Variants in COL24A1 observed in about 807,000 individuals in gnomAD.
The protein encoded by COL24A1 is collagen type XXIV alpha 1 chain, also known as collagen alpha-1(XXIV) chain.
A neutral mutation model predicts 253.9 loss-of-function variants in COL24A1; 224 were observed. That is an observed-to-expected ratio of 0.88 (90% CI 0.79 to 0.99). The LOEUF is 0.99. Ranked by LOEUF, COL24A1 falls within the 50% of genes least tolerant of loss-of-function variation. COL24A1 has a pLI of 0.00. For synonymous variants in COL24A1, 685 were observed against 673.7 expected (o/e 1.02, Z -0.26); for missense variants, 2,131 against 2,068.5 (o/e 1.03, Z -0.59).
At chr1:86,062,529 G>C (rs12736258) in intron 8 of COL24A1, among the ~76,000 whole-genome samples, 19,302 of 151,912 alleles carry the variant, frequency 0.13, 1,331 homozygotes, top group Middle Eastern at 0.14. Flanking sequence ...TACACCACCA[G>C]TACTAGTTTA....
intron 20 of COL24A1, among the ~76,000 whole-genome samples, chr1:85,986,500 C>A (rs1028242777): frequency 6.6e-6 from 1 of 151,802 alleles, no homozygotes; most frequent in Non-Finnish European, 1.5e-5. Flanking sequence ...GAATGCTCTA[C>A]GTAATTTACT....
chr1:85,839,569 A>T (rs1676381649), intron 42 of COL24A1, among the ~76,000 whole-genome samples: 1 of 151,832 alleles, frequency 6.6e-6, no homozygotes, highest in Non-Finnish European at 1.5e-5. Context: ...AAAAAAAATT[A>T]AAAAATAATA....
intron 19 of COL24A1, among the ~76,000 whole-genome samples, chr1:85,998,737 C>T (rs1269349965): frequency 6.6e-6 from 1 of 152,210 alleles, no homozygotes; most frequent in African/African-American, 2.4e-5. Context: ...CTCTGGAATA[C>T]ATTATCTTTT....
chr1:85,928,523 G>A lies in COL24A1; in HGVS notation c.2563-17090C>T, dbSNP rs1687548404. On this transcript the variant is annotated intron_variant, in intron 24 of 59. Transcript: ENST00000370571. Reference sequence around the variant, plus strand: ...AAAACACTCTGCAGGATATTATCCAGGAGAACGTCCCCAATCTAGCAAGGC... The same window carrying A: ...AAAACACTCTGCAGGATATTATCCAAGAGAACGTCCCCAATCTAGCAAGGC... Among the ~76,000 whole-genome samples, 2 of 51,910 alleles carry A rather than the reference G, an allele frequency of 3.9e-5. 1 individual carries two copies. Among genetic ancestry groups the A allele is most frequent in the South Asian group, 1.5e-3 (2 of 1,304 alleles). The allele number at this position is 51,910 out of a possible 152,430, so 34.1% of individuals were successfully genotyped here.
At chr1:85,800,296 G>A (rs934760698) in intron 47 of COL24A1, among the ~76,000 whole-genome samples, 1 of 152,106 alleles carries the variant, frequency 6.6e-6, no homozygotes, top group Non-Finnish European at 1.5e-5. Context: ...TCTCCATTGA[G>A]TGGTTTGAAT....
chr1:85,914,979 T>C (rs1685756002), intron 24 of COL24A1, among the ~76,000 whole-genome samples: 1 of 152,342 alleles, frequency 6.6e-6, no homozygotes, highest in South Asian at 2.1e-4. Flanking sequence ...GGGAGGGCTG[T>C]CACGGTTAAT....
At chr1:85,970,167 T>C (rs7538391) in intron 22 of COL24A1, 60 bp downstream of exon 22, 248,768 of 1,418,224 alleles carry the variant, frequency 0.18, 26,929 homozygotes, top group East Asian at 0.44. Flanking sequence ...GTTAAAAACA[T>C]TTATAGAACA....
intron 5 of COL24A1, among the ~76,000 whole-genome samples, chr1:86,111,720 T>C (rs1373778562): frequency 2.0e-5 from 3 of 152,304 alleles, no homozygotes; most frequent in South Asian, 4.1e-4. Flanking sequence ...ACTGCCTTTA[T>C]GAGCTGTAAC....
intron 14 of COL24A1, chr1:86,030,255 T>G (rs1018559437): frequency 7.2e-5 from 11 of 152,190 alleles, no homozygotes; most frequent in Non-Finnish European, 1.3e-4. Flanking sequence ...TAGCAAGAAT[T>G]TCCACTCTGA....
At chr1:86,077,807 G>T (rs1027768729) in intron 7 of COL24A1, among the ~76,000 whole-genome samples, 2 of 151,192 alleles carry the variant, frequency 1.3e-5, no homozygotes, top group Non-Finnish European at 2.9e-5. Context: ...ATGGACACAG[G>T]GAGGGGAACA....
intron 38 of COL24A1, among the ~76,000 whole-genome samples, chr1:85,848,530 G>A (rs943310950): frequency 6.6e-6 from 1 of 152,050 alleles, no homozygotes; most frequent in Non-Finnish European, 1.5e-5. Context: ...GGCTGGTTTC[G>A]ATCTCCTGAC....
chr1:86,115,174 C>T (rs1053339053), intron 4 of COL24A1, 151 bp downstream of exon 4: 11 of 667,180 alleles, frequency 1.6e-5, no homozygotes, highest in African/African-American at 3.7e-5. Flanking sequence ...TGCATGTGTT[C>T]TTAAGCTTCT....
intron 53 of COL24A1, among the ~76,000 whole-genome samples, chr1:85,769,968 G>A (rs1265196748): frequency 2.6e-5 from 4 of 152,018 alleles, no homozygotes; most frequent in Non-Finnish European, 5.9e-5. Flanking sequence ...TAATCCTGAT[G>A]GAAACTATGT....
At chr1:85,740,271 A>C (rs1199690605) in intron 57 of COL24A1, among the ~76,000 whole-genome samples, 2 of 152,190 alleles carry the variant, frequency 1.3e-5, no homozygotes, top group Non-Finnish European at 2.9e-5. Flanking sequence ...TCCAGAGTTT[A>C]TTCCCTCTAT....
At chr1:85,906,236 C>A (rs1034662234) in intron 28 of COL24A1, among the ~76,000 whole-genome samples, 4 of 112,694 alleles carry the variant, frequency 3.5e-5, no homozygotes, top group African/African-American at 6.9e-5. Flanking sequence ...CAATTTTCTC[C>A]CATTTGCCAA....
Position 85,783,495 on chromosome 1 carries a change from C to G in COL24A1, c.4284+1G>C, listed in dbSNP as rs201724198. On this transcript the variant is annotated splice_donor_variant, in intron 51 of 59. Transcript: ENST00000370571. LOFTEE classifies it high-confidence loss of function. Reference sequence around the variant, plus strand: ...GGTAGGCAGAATGACTTTACACTTACTCTGTGTCCAATAGGACCTTTAGGA... The same window carrying G: ...GGTAGGCAGAATGACTTTACACTTAGTCTGTGTCCAATAGGACCTTTAGGA... 3.7e-6 allele frequency: 6 copies of G among 1,612,840 alleles called. No homozygotes were observed. The highest frequency in any genetic ancestry group is 1.3e-5 in the African/African-American group (1 of 74,846).
chr1:85,860,924 G>A (rs551373236), intron 37 of COL24A1, among the ~76,000 whole-genome samples: 1 of 152,178 alleles, frequency 6.6e-6, no homozygotes, highest in Non-Finnish European at 1.5e-5. Context: ...TGCCCATTTG[G>A]GTTGTTTCTA....
At chr1:85,943,828 C>T (rs1222784742) in intron 24 of COL24A1, among the ~76,000 whole-genome samples, 1 of 152,206 alleles carries the variant, frequency 6.6e-6, no homozygotes, top group Non-Finnish European at 1.5e-5. Context: ...TCACACATAG[C>T]ACCAATTTGC....
In COL24A1 at chr1:85,877,784, T is replaced by C. The variant is rs1167526613; in HGVS notation, c.2977-609A>G. Reference sequence around the variant, plus strand: ...CAACATTTATTAAGCACCTCATAAGTATCATATATTGTGCTAAGCATTTTG... The same window carrying C: ...CAACATTTATTAAGCACCTCATAAGCATCATATATTGTGCTAAGCATTTTG... On this transcript the variant is annotated intron_variant, in intron 32 of 59. Transcript: ENST00000370571. 3.3e-5 allele frequency among the ~76,000 whole-genome samples: 5 copies of C among 152,384 alleles called. No homozygotes were observed. In the East Asian group the frequency reaches 9.6e-4, roughly 29 times the overall value.
Sources: allele counts gnomAD v4.1 joint callset (sites outside exome capture counted in the v4.1 genomes callset), GRCh38; gene constraint gnomAD v4.1.1; transcripts MANE v1.5; gene names NCBI Gene and HGNC (gene_info 2026-07-23, HGNC 2026-07-21).